The following ANKFN1 variants were observed in gnomAD, a reference collection of about 807,000 sequenced individuals.
ANKFN1 encodes ankyrin repeat and fibronectin type III domain containing 1.
Under a neutral mutation model 108.7 loss-of-function variants are expected in ANKFN1, and 74 were observed. The observed-to-expected ratio is 0.68, with a 90% CI of 0.56 to 0.83. ANKFN1 has a LOEUF of 0.83. Ranked by LOEUF, ANKFN1 falls within the 40% of genes least tolerant of loss-of-function variation. The pLI, the probability that ANKFN1 is intolerant of heterozygous loss-of-function variation, is 0.00. For synonymous variants in ANKFN1, 547 were observed against 516.2 expected (o/e 1.06, Z -0.81); for missense variants, 1,505 against 1,382.3 (o/e 1.09, Z -1.41).
At chr17:56,292,220 C>T (rs1330829312) in intron 3 of ANKFN1, among the ~76,000 whole-genome samples, 1 of 152,166 alleles carries the variant, frequency 6.6e-6, no homozygotes, top group Non-Finnish European at 1.5e-5. Flanking sequence ...CAAAGTAAAA[C>T]TTGGTTTCCT....
intron 3 of ANKFN1, among the ~76,000 whole-genome samples, chr17:56,295,604 C>T (rs74700558): frequency 0.022 from 3,345 of 151,332 alleles, 152 homozygotes; most frequent in East Asian, 0.1. Flanking sequence ...TAAAAAAAGC[C>T]GTGTGTGGGC....
At chr17:56,361,575 G>A (rs1409460109) in intron 6 of ANKFN1, among the ~76,000 whole-genome samples, 1 of 151,878 alleles carries the variant, frequency 6.6e-6, no homozygotes, top group Non-Finnish European at 1.5e-5. Context: ...TATAATAATT[G>A]TACTTAACTT....
chr17:56,390,443 A>G (rs536718916), intron 8 of ANKFN1, among the ~76,000 whole-genome samples: 2 of 152,176 alleles, frequency 1.3e-5, no homozygotes, highest in East Asian at 1.9e-4. Flanking sequence ...TATCCATTCT[A>G]TCATTGATGG....
chr17:56,363,028 G>A (rs1445957337), intron 6 of ANKFN1, among the ~76,000 whole-genome samples: 1 of 152,104 alleles, frequency 6.6e-6, no homozygotes, highest in Non-Finnish European at 1.5e-5. Flanking sequence ...GGCCAACATG[G>A]TGAAACTCCA....
At chr17:56,133,863 A>G (rs7216880) in intron 4 of ANKFN1, among the ~76,000 whole-genome samples, 28,978 of 151,704 alleles carry the variant, frequency 0.19, 3,283 homozygotes, top group African/African-American at 0.3. Flanking sequence ...TTATCATACA[A>G]CAAGCAGTTC....
intron 4 of ANKFN1, among the ~76,000 whole-genome samples, chr17:56,087,957 T>C (rs1905346793): frequency 6.6e-6 from 1 of 151,110 alleles, no homozygotes; most frequent in Non-Finnish European, 1.5e-5. Flanking sequence ...TGTGTGTTTG[T>C]GTGTATGTGT....
At chr17:56,479,946 C>G (rs2050637767) in intron 16 of ANKFN1, among the ~76,000 whole-genome samples, 1 of 152,196 alleles carries the variant, frequency 6.6e-6, no homozygotes, top group South Asian at 2.1e-4. Flanking sequence ...TTTTCAAGCT[C>G]CTTTTGAAGA....
intron 4 of ANKFN1, among the ~76,000 whole-genome samples, chr17:56,137,887 G>T (rs1412871661): frequency 6.6e-6 from 1 of 152,128 alleles, no homozygotes; most frequent in African/African-American, 2.4e-5. Flanking sequence ...ATTGAAACTA[G>T]AATATCTCAC....
In ANKFN1 at chr17:56,123,839, CAGAG is replaced by C. The variant is rs72419531; in HGVS notation, c.288+77538_288+77541del. ...TGTGTGTGTGTGACAGAGAGAGACA[CAGAG>C]AGAGAGAGAGAGAGAGAGAGAGACT... On this transcript the variant is annotated intron_variant, in intron 4 of 12. Coordinates refer to the ANKFN1 transcript ENST00000635860. 6.9e-3 allele frequency among the ~76,000 whole-genome samples: 989 copies of C among 142,470 alleles called. 10 individuals carry two copies. The highest frequency in any genetic ancestry group is 0.016 in the Admixed American group (228 of 14,324). The allele number at this position is 142,470 out of a possible 152,430, so 93.5% of individuals were successfully genotyped here. A position where few individuals can be genotyped will look rare whatever the true frequency, so the allele number is the denominator to read the frequency against.
chr17:56,353,919 A>G lies in ANKFN1; in HGVS notation c.474A>G (p.Thr158=). Residue 158 remains threonine (T), a synonymous_variant, in exon 6 of 21, where the codon ACA becomes ACG. Transcript: ENST00000682825. ...TGCAGATCCTCCTGTATCAGTACAC[A>G]CCAGAAGAACTTGACCTCAACACAC... ...DAVQILLYQY[T]PEELDLNTPN... is the part of the protein sequence containing the mutation. 6.2e-7 allele frequency: 1 copy of G among 1,614,004 alleles called. No homozygotes were observed. Among genetic ancestry groups the G allele is most frequent in the Non-Finnish European group, 8.5e-7 (1 of 1,179,966 alleles).
intron 4 of ANKFN1, among the ~76,000 whole-genome samples, chr17:56,130,027 C>T (rs1237262965): frequency 6.6e-6 from 1 of 152,194 alleles, no homozygotes; most frequent in African/African-American, 2.4e-5. Flanking sequence ...AATAACCTCG[C>T]TATAGATTAG....
At chr17:56,167,321 A>G (rs1034168563) in intron 1 of ANKFN1, among the ~76,000 whole-genome samples, 2 of 19,282 alleles carry the variant, frequency 1.0e-4, no homozygotes, top group African/African-American at 4.5e-4. Context: ...ACACACACAT[A>G]TATATATATA....
chr17:56,384,048 T>C (rs2047185912), intron 8 of ANKFN1, among the ~76,000 whole-genome samples: 2 of 152,076 alleles, frequency 1.3e-5, no homozygotes, highest in African/African-American at 4.8e-5. Context: ...TAGACCAATA[T>C]CCTTGATGAA....
rs1243733488 is a variant in ANKFN1 at position 56,239,550 on chromosome 17, A to AT, written c.53+11599dup. 7.9e-5 allele frequency among the ~76,000 whole-genome samples: 12 copies of AT among 152,240 alleles called. No homozygotes were observed. The East Asian group carries it at 2.1e-3, about 27-fold the overall frequency. On this transcript the variant is annotated intron_variant, in intron 3 of 20. Coordinates refer to ENST00000682825, the MANE Select transcript of ANKFN1 (RefSeq NM_001370326.1). Reference sequence around the variant, plus strand: ...CCACTTTTTAAAAGCTAAAATACATATTTTTTAAAAGGAATCAGAGCTGCT... The same window carrying AT: ...CCACTTTTTAAAAGCTAAAATACATATTTTTTTAAAAGGAATCAGAGCTGCT...
intron 3 of ANKFN1, among the ~76,000 whole-genome samples, chr17:56,268,311 A>C (rs1421330593): frequency 6.6e-6 from 1 of 152,216 alleles, no homozygotes; most frequent in Non-Finnish European, 1.5e-5. Flanking sequence ...GAAATTAAGC[A>C]ATCTGCTCCT....
intron 3 of ANKFN1, among the ~76,000 whole-genome samples, chr17:56,271,697 A>G (rs1008464328): frequency 6.6e-6 from 1 of 152,072 alleles, no homozygotes; most frequent in Non-Finnish European, 1.5e-5. Flanking sequence ...TTCTGACCCA[A>G]ACCCTTGGAA....
intron 3 of ANKFN1, among the ~76,000 whole-genome samples, chr17:56,312,172 C>T (rs779754868): frequency 1.3e-5 from 2 of 152,198 alleles, no homozygotes; most frequent in Non-Finnish European, 2.9e-5. Flanking sequence ...CTATCCTCAG[C>T]CTATCTGATA....
At chr17:56,480,517 G>A (rs1162364722) in intron 16 of ANKFN1, 151 bp from the exon 17 acceptor site, 1 of 773,438 alleles carries the variant, frequency 1.3e-6, no homozygotes, top group Non-Finnish European at 2.0e-6. Flanking sequence ...AGCTCCATTT[G>A]GGTGGCAAAA....
chr17:56,365,862 A>G (rs936033268), intron 6 of ANKFN1, among the ~76,000 whole-genome samples: 2 of 152,210 alleles, frequency 1.3e-5, no homozygotes, highest in African/African-American at 2.4e-5. Context: ...ACACTAAACT[A>G]CTATGTTACT....
Sources: allele counts gnomAD v4.1 joint callset (sites outside exome capture counted in the v4.1 genomes callset), GRCh38; gene constraint gnomAD v4.1.1; transcripts MANE v1.5; gene names NCBI Gene and HGNC (gene_info 2026-07-23, HGNC 2026-07-21).